Variants in IGF1R observed in about 807,000 individuals in gnomAD.
IGF1R encodes insulin like growth factor 1 receptor, also known as insulin-like growth factor 1 receptor.
Under a neutral mutation model 144.6 loss-of-function variants are expected in IGF1R, and 44 were observed. The ratio of observed to expected loss-of-function variants is 0.30; its 90% CI spans 0.24 to 0.39. The LOEUF (loss-of-function observed/expected upper bound fraction) is 0.39. IGF1R is among the 10% of genes least tolerant of loss of function. The pLI is 1.00. For synonymous variants in IGF1R, 795 were observed against 722.8 expected (o/e 1.10, Z -1.60); for missense variants, 1,355 against 1,833.7 (o/e 0.74, Z 4.77).
intron 6 of IGF1R, among the ~76,000 whole-genome samples, chr15:98,909,383 C>T (rs780864983): frequency 4.0e-5 from 6 of 151,176 alleles, no homozygotes; most frequent in African/African-American, 7.3e-5. Context: ...CTCAGCCTCC[C>T]GAGCAGCTGA....
At chr15:98,868,355 T>G (rs2012575798) in intron 2 of IGF1R, among the ~76,000 whole-genome samples, 3 of 73,008 alleles carry the variant, frequency 4.1e-5, no homozygotes, top group Non-Finnish European at 5.6e-5. Context: ...GCCAAATCTG[T>G]TGGGTTTTTT....
chr15:98,781,524 C>T (rs2055860941), intron 2 of IGF1R, among the ~76,000 whole-genome samples: 1 of 152,118 alleles, frequency 6.6e-6, no homozygotes, highest in African/African-American at 2.4e-5. Context: ...CTCAGTTTTC[C>T]ATTTATATTT....
chr15:98,852,952 A>G (rs568323575), intron 2 of IGF1R, among the ~76,000 whole-genome samples: 46 of 152,342 alleles, frequency 3.0e-4, no homozygotes, highest in South Asian at 1.0e-3. Context: ...CATGTGGGAC[A>G]GGTCATGCTT....
At chr15:98,956,943 G>A (rs1405327736) in intron 20 of IGF1R, 118 bp from the exon 21 acceptor site, 1 of 1,148,028 alleles carries the variant, frequency 8.7e-7, no homozygotes, top group Middle Eastern at 2.4e-4. Context: ...CAGCAGGGCT[G>A]TGTTCAGTGC....
intron 2 of IGF1R, among the ~76,000 whole-genome samples, chr15:98,755,567 C>G (rs1015113407): frequency 6.6e-6 from 1 of 151,504 alleles, no homozygotes. Flanking sequence ...ATGGCAAAAC[C>G]CTGTCTCTAC....
intron 13 of IGF1R, among the ~76,000 whole-genome samples, chr15:98,926,386 G>T (rs2015719395): frequency 6.6e-6 from 1 of 150,496 alleles, no homozygotes; most frequent in African/African-American, 2.4e-5. Context: ...AAGTTCAATA[G>T]ATATATTGTA....
intron 2 of IGF1R, among the ~76,000 whole-genome samples, chr15:98,711,568 C>T (rs574959314): frequency 7.9e-5 from 12 of 152,204 alleles, no homozygotes; most frequent in African/African-American, 2.4e-4. Flanking sequence ...TCCTAAAGAG[C>T]GATTGACCCT....
chr15:98,681,004 G>A (rs1397895239), intron 1 of IGF1R, among the ~76,000 whole-genome samples: 1 of 152,062 alleles, frequency 6.6e-6, no homozygotes, highest in African/African-American at 2.4e-5. Context: ...AGGTTTGCAG[G>A]TTGGTAGCCT....
At chr15:98,763,228 A>C (rs918414081) in intron 2 of IGF1R, among the ~76,000 whole-genome samples, 8 of 152,168 alleles carry the variant, frequency 5.3e-5, no homozygotes, top group African/African-American at 1.9e-4. Context: ...TCATGTTGAC[A>C]TATTCTATGG....
intron 1 of IGF1R, among the ~76,000 whole-genome samples, chr15:98,706,041 C>T (rs2053853844): frequency 6.6e-6 from 1 of 152,230 alleles, no homozygotes; most frequent in South Asian, 2.1e-4. Context: ...CAGAGCTCCC[C>T]TTAGCACGGT....
At chr15:98,758,681 C>G (rs1337130561) in intron 2 of IGF1R, among the ~76,000 whole-genome samples, 2 of 152,202 alleles carry the variant, frequency 1.3e-5, no homozygotes, top group African/African-American at 4.8e-5. Flanking sequence ...CCATGGAGAA[C>G]TGTACCCGCT....
intron 2 of IGF1R, among the ~76,000 whole-genome samples, chr15:98,866,069 T>C (rs1402784475): frequency 6.6e-6 from 1 of 152,214 alleles, no homozygotes; most frequent in African/African-American, 2.4e-5. Context: ...AAGTAAAAGA[T>C]GCAAATGTGT....
intron 2 of IGF1R, among the ~76,000 whole-genome samples, chr15:98,786,878 G>A (rs945575982): frequency 5.9e-5 from 9 of 152,118 alleles, no homozygotes; most frequent in African/African-American, 1.2e-4. Flanking sequence ...CTTTGTTGCC[G>A]TCCTAACCTT....
At chr15:98,739,412 C>G (rs1183928989) in intron 2 of IGF1R, among the ~76,000 whole-genome samples, 1 of 152,030 alleles carries the variant, frequency 6.6e-6, no homozygotes, top group African/African-American at 2.4e-5. Context: ...TTTTCAGAGT[C>G]AAAGTATCAC....
At chr15:98,823,457 G>A (rs1435936457) in intron 2 of IGF1R, among the ~76,000 whole-genome samples, 1 of 152,236 alleles carries the variant, frequency 6.6e-6, no homozygotes, top group Non-Finnish European at 1.5e-5. Context: ...ACAGTTATTA[G>A]ACCAGGCTTA....
intron 2 of IGF1R, among the ~76,000 whole-genome samples, chr15:98,872,352 G>C (rs1040444657): frequency 6.6e-6 from 1 of 152,006 alleles, no homozygotes; most frequent in African/African-American, 2.4e-5. Context: ...CATGGCTTGG[G>C]GTCTCCCCAT....
At chr15:98,739,381 C>G (rs2054685010) in intron 2 of IGF1R, among the ~76,000 whole-genome samples, 1 of 152,210 alleles carries the variant, frequency 6.6e-6, no homozygotes, top group African/African-American at 2.4e-5. Flanking sequence ...ATGATCTCCC[C>G]CAAAGCGGCA....
At chr15:98,755,667 C>T (rs549128572) in intron 2 of IGF1R, among the ~76,000 whole-genome samples, 26 of 121,318 alleles carry the variant, frequency 2.1e-4, no homozygotes, top group Non-Finnish European at 2.6e-4. Context: ...TGCAGTGAGC[C>T]TACATCGTGC....
chr15:98,713,932 C>G (rs1271595760), intron 2 of IGF1R, among the ~76,000 whole-genome samples: 1 of 152,162 alleles, frequency 6.6e-6, no homozygotes, highest in Non-Finnish European at 1.5e-5. Flanking sequence ...CAGGGCCGGG[C>G]TGTGTTGGAA....
Sources: gnomAD v4.1 joint callset for allele counts (sites outside exome capture counted in the v4.1 genomes callset) on GRCh38, gnomAD v4.1.1 for gene constraint, MANE v1.5 for transcripts, NCBI Gene and HGNC (gene_info 2026-07-23, HGNC 2026-07-21) for gene names.